ZDHHC3: variants seen among roughly 807,000 people sequenced by gnomAD.
ZDHHC3 encodes the protein palmitoyltransferase ZDHHC3.
ZDHHC3 carries 9 observed loss-of-function variants against 30.6 expected under a neutral mutation model. The ratio of observed to expected loss-of-function variants is 0.29; its 90% CI spans 0.18 to 0.51. The LOEUF is 0.51. ZDHHC3 is among the 20% of genes least tolerant of loss of function. ZDHHC3 has a pLI of 0.97. For missense variants in ZDHHC3, 246 were observed against 384.2 expected (o/e 0.64, Z 3.01); for synonymous variants, 136 against 140.2 (o/e 0.97, Z 0.21).
chr3:44,917,966 C>CT lies in ZDHHC3; in HGVS notation c.*8722dup. 7.7e-7 allele frequency: 1 copy of CT among 1,305,418 alleles called. No homozygotes were observed. The highest frequency in any genetic ancestry group is 1.0e-6 in the Non-Finnish European group (1 of 988,964). 80.9% of individuals were successfully genotyped at this position (1,305,418 alleles called of 1,614,324 possible). ...GATGGATCCTCCATTGTTTCGGTGTCTGACAGCGATGTCACCTGCCGCACC... is the reference window on the plus strand; with the variant it reads ...GATGGATCCTCCATTGTTTCGGTGTCTTGACAGCGATGTCACCTGCCGCACC... On this transcript the variant is annotated 3_prime_UTR_variant, in exon 7 of 7. Coordinates refer to ENST00000424952, the MANE Select transcript of ZDHHC3 (RefSeq NM_001135179.2).
At chr3:44,966,867 A>G (rs1704994537) in intron 1 of ZDHHC3, among the ~76,000 whole-genome samples, 1 of 152,192 alleles carries the variant, frequency 6.6e-6, no homozygotes, top group Non-Finnish European at 1.5e-5. Context: ...AAACTTTTTC[A>G]AAAAGGTAAG....
At chr3:44,928,649 G>C (rs1701212768) in intron 6 of ZDHHC3, among the ~76,000 whole-genome samples, 1 of 152,200 alleles carries the variant, frequency 6.6e-6, no homozygotes, top group South Asian at 2.1e-4. Flanking sequence ...AAGGTCAGGA[G>C]ACAGCAGTAG....
chr3:44,930,510 G>A (rs1168868264), intron 5 of ZDHHC3, among the ~76,000 whole-genome samples: 1 of 152,220 alleles, frequency 6.6e-6, no homozygotes. Flanking sequence ...TGTTTCCCTG[G>A]CTGGAAAGAT....
chr3:44,925,823 T>C lies in ZDHHC3; in HGVS notation c.*866A>G. ...TGCCTATTGCAGTCAGAATTCACAC[T>C]GCTTAATTGACATCTTGCTGGGGAA... On this transcript the variant is annotated 3_prime_UTR_variant, in exon 7 of 7. Coordinates refer to ENST00000424952, the MANE Select transcript of ZDHHC3 (RefSeq NM_001135179.2). 1.0e-6 allele frequency: 1 copy of C among 985,884 alleles called. No homozygotes were observed. Among genetic ancestry groups the C allele is most frequent in the Non-Finnish European group, 1.2e-6 (1 of 829,932 alleles). 61.1% of individuals were successfully genotyped at this position (985,884 alleles called of 1,614,324 possible). A position where few individuals can be genotyped will look rare whatever the true frequency, so the allele number is the denominator to read the frequency against.
In ZDHHC3 at chr3:44,924,569, A is replaced by G; in HGVS notation, c.*2120T>C. On this transcript the variant is annotated 3_prime_UTR_variant, in exon 7 of 7. Transcript: ENST00000424952. ...GAGTTTCTATTTTTAGGACTAAAAAAAAGTCAGTGCATCTTCAGCACTATC... is the reference window on the plus strand; with the variant it reads ...GAGTTTCTATTTTTAGGACTAAAAAGAAGTCAGTGCATCTTCAGCACTATC... 6.1e-6 allele frequency: 6 copies of G among 985,466 alleles called. No individual in the cohort carries two copies. The highest frequency in any genetic ancestry group is 7.2e-6 in the Non-Finnish European group (6 of 829,932). 61.0% of individuals were successfully genotyped at this position (985,466 alleles called of 1,614,324 possible).
intron 2 of ZDHHC3, among the ~76,000 whole-genome samples, chr3:44,952,180 A>G (rs1432114004): frequency 6.6e-6 from 1 of 152,242 alleles, no homozygotes; most frequent in East Asian, 1.9e-4. Flanking sequence ...GGCCCATGGC[A>G]TATCCATGTA....
In ZDHHC3 at chr3:44,959,537, G is replaced by T; in HGVS notation, c.-24-77C>A. 7.5e-7 allele frequency: 1 copy of T among 1,329,958 alleles called. No individual in the cohort carries two copies. Among genetic ancestry groups the T allele is most frequent in the Non-Finnish European group, 1.0e-6 (1 of 964,648 alleles). 82.4% of individuals were successfully genotyped at this position (1,329,958 alleles called of 1,614,324 possible). A position where few individuals can be genotyped will look rare whatever the true frequency, so the allele number is the denominator to read the frequency against. ...GAGGTTTGACAAAATTGCTCCCATAGTGAGTTGTGATTACTTATCTGCAAC... is the reference window on the plus strand; with the variant it reads ...GAGGTTTGACAAAATTGCTCCCATATTGAGTTGTGATTACTTATCTGCAAC... On this transcript the variant is annotated intron_variant, in intron 1 of 6. Coordinates refer to ENST00000424952, the MANE Select transcript of ZDHHC3 (RefSeq NM_001135179.2). The surrounding 1 kb of genome is among the most constrained non-coding windows in gnomAD (Gnocchi z 4.3).
chr3:44,920,182 C>A lies in ZDHHC3; in HGVS notation c.*6507G>T. Reference sequence around the variant, plus strand: ...GAAAATGGATCTTGTTGACACAAGTCTAAAGGGACCTTCATGTGGGTCATG... The same window carrying A: ...GAAAATGGATCTTGTTGACACAAGTATAAAGGGACCTTCATGTGGGTCATG... On this transcript the variant is annotated 3_prime_UTR_variant, in exon 7 of 7. Transcript: ENST00000424952. 7.8e-7 allele frequency: 1 copy of A among 1,287,868 alleles called. No individual in the cohort carries two copies. Among genetic ancestry groups the A allele is most frequent in the Non-Finnish European group, 1.0e-6 (1 of 987,290 alleles). 79.8% of individuals were successfully genotyped at this position (1,287,868 alleles called of 1,614,324 possible).
chr3:44,941,941 CAG>C (rs1401005652), intron 3 of ZDHHC3, among the ~76,000 whole-genome samples: 1 of 152,206 alleles, frequency 6.6e-6, no homozygotes, highest in Non-Finnish European at 1.5e-5. Flanking sequence ...GCTCCTCCCA[CAG>C]AGTTTCCACA....
rs904553070 is a variant in ZDHHC3 at position 44,922,414 on chromosome 3, C to T, written c.*4275G>A. 6.1e-6 allele frequency: 6 copies of T among 985,270 alleles called. No individual in the cohort carries two copies. In the African/African-American group the frequency reaches 1.0e-4, roughly 17 times the overall value. The allele number at this position is 985,270 out of a possible 1,614,324, so 61.0% of individuals were successfully genotyped here. On this transcript the variant is annotated 3_prime_UTR_variant, in exon 7 of 7. Coordinates refer to ENST00000424952, the MANE Select transcript of ZDHHC3 (RefSeq NM_001135179.2). ...AGATGGGTTCCACTGATGAGATGCACAAGGAGTGGTGGGCAGGCTAATAAT... is the reference window on the plus strand; with the variant it reads ...AGATGGGTTCCACTGATGAGATGCATAAGGAGTGGTGGGCAGGCTAATAAT...
rs549797122 is a variant in ZDHHC3, at chr3:44,920,244, C to T, written c.*6445G>A. On this transcript the variant is annotated 3_prime_UTR_variant, in exon 7 of 7. Transcript: ENST00000424952. ...CCATGCTGCTTCCTGACTGGCCCCTCGCCAGGCCTCCCTTCTTGGCACAGA... is the reference window on the plus strand; with the variant it reads ...CCATGCTGCTTCCTGACTGGCCCCTTGCCAGGCCTCCCTTCTTGGCACAGA... 3.7e-5 allele frequency: 48 copies of T among 1,289,914 alleles called. No homozygotes were observed. Among genetic ancestry groups the T allele is most frequent in the South Asian group, 1.9e-4 (15 of 81,026 alleles). The allele number at this position is 1,289,914 out of a possible 1,614,324, so 79.9% of individuals were successfully genotyped here.
chr3:44,958,581 TATTCACCAAGA>T, intron 2 of ZDHHC3: 1 of 1,535,978 alleles, frequency 6.5e-7, no homozygotes, highest in East Asian at 2.4e-5. Context: ...TACCCACAGA[TATTCACCAAGA>T]GGCACTTGCT....
intron 2 of ZDHHC3, among the ~76,000 whole-genome samples, chr3:44,948,448 CAG>C (rs202127090): frequency 0.012 from 1,799 of 152,282 alleles, 29 homozygotes; most frequent in African/African-American, 0.04. Context: ...AAGAAAACTG[CAG>C]AGACAAGTCA....
At position 44,924,410 on chromosome 3, in the gene ZDHHC3, T is replaced by A; in HGVS notation, c.*2279A>T. ...GGTATTCCTATCTTCTGAGAGCAAC[T>A]GGTTTGAGAGCTCAGAAACATTGAC... is the stretch of plus-strand genomic sequence containing the variant. On this transcript the variant is annotated 3_prime_UTR_variant, in exon 7 of 7. Transcript: ENST00000424952. The A allele has an allele frequency of 1.0e-5, 10 of 985,456 alleles. No homozygotes were observed. The highest frequency in any genetic ancestry group is 1.2e-5 in the Non-Finnish European group (10 of 829,936). The allele number at this position is 985,456 out of a possible 1,614,324, so 61.0% of individuals were successfully genotyped here.
intron 3 of ZDHHC3, among the ~76,000 whole-genome samples, chr3:44,939,542 C>T (rs1376567205): frequency 6.6e-6 from 1 of 152,240 alleles, no homozygotes; most frequent in Non-Finnish European, 1.5e-5. Flanking sequence ...AACCACCTCC[C>T]TGCTCCTGGC....
In ZDHHC3 at chr3:44,918,507, C is replaced by A; in HGVS notation, c.*8182G>T. Reference sequence around the variant, plus strand: ...TGGCTGAGGCATAAGGGGGACCACACATCCTCTGAGGCCACTACAAACTGG... The same window carrying A: ...TGGCTGAGGCATAAGGGGGACCACAAATCCTCTGAGGCCACTACAAACTGG... On this transcript the variant is annotated 3_prime_UTR_variant, in exon 7 of 7. Transcript: ENST00000424952. 5 of 985,414 alleles carry A rather than the reference C, an allele frequency of 5.1e-6. No individual in the cohort carries two copies. Among genetic ancestry groups the A allele is most frequent in the Non-Finnish European group, 6.0e-6 (5 of 829,932 alleles). 61.0% of individuals were successfully genotyped at this position (985,414 alleles called of 1,614,324 possible). A position where few individuals can be genotyped will look rare whatever the true frequency, so the allele number is the denominator to read the frequency against.
chr3:44,943,151 ATC>A (rs1208971956), intron 3 of ZDHHC3, among the ~76,000 whole-genome samples: 1 of 152,106 alleles, frequency 6.6e-6, no homozygotes, highest in Non-Finnish European at 1.5e-5. Context: ...AGGTCTGCAG[ATC>A]TCTCTCTTTC....
intron 3 of ZDHHC3, among the ~76,000 whole-genome samples, chr3:44,940,873 G>C (rs928474488): frequency 3.3e-5 from 5 of 152,200 alleles, no homozygotes; most frequent in African/African-American, 1.2e-4. Context: ...CTCACCCTGG[G>C]TGATGGCTCA....
chr3:44,950,178 G>A (rs1042548290), intron 2 of ZDHHC3, among the ~76,000 whole-genome samples: 1 of 152,166 alleles, frequency 6.6e-6, no homozygotes, highest in Admixed American at 6.5e-5. Flanking sequence ...TTGGGCAACT[G>A]TGTGGATCCT....
Sources: allele counts gnomAD v4.1 joint callset (sites outside exome capture counted in the v4.1 genomes callset), GRCh38; gene constraint gnomAD v4.1.1; non-coding constraint Gnocchi (gnomAD v3.1); transcripts MANE v1.5; gene names NCBI Gene and HGNC (gene_info 2026-07-23, HGNC 2026-07-21).